Variants in ACTR3C observed in about 807,000 individuals in gnomAD.
ACTR3C encodes actin related protein 3C, also known as actin-related protein 3C.
ACTR3C carries 18 observed loss-of-function variants against 26.3 expected under a neutral mutation model. The observed-to-expected ratio is 0.68, with a 90% CI of 0.47 to 1.01. ACTR3C has a LOEUF of 1.01. Among genes scored for constraint, ACTR3C ranks in the 50% least tolerant of loss-of-function variants. The probability of loss-of-function intolerance (pLI) is 0.00; values close to 1 mark genes in which losing one functional copy is unlikely to be tolerated. For missense variants in ACTR3C, 184 were observed against 250.7 expected (o/e 0.73, Z 1.80); for synonymous variants, 55 against 94.5 (o/e 0.58, Z 2.42).
At chr7:150,194,580 T>A in the ACTR3C span, among the ~76,000 whole-genome samples, 1 of 152,260 alleles carries the variant, frequency 6.6e-6, no homozygotes, top group Admixed American at 6.5e-5. Context: ...AGTTGATCTC[T>A]TTGGATTAAA....
At position 150,289,524 on chromosome 7, in the gene ACTR3C, T is replaced by C; in HGVS notation, c.223A>G (p.Ile75Val). ...TCCCTCTCCCTTAGCAGCTGTTGAA[T>C]GAAATACGTAATATCTCTACCTGCA... Reference protein sequence around the residue: ...PIAGRDITYFIQQLLREREVG... With the variant: ...PIAGRDITYFVQQLLREREVG... The change falls in exon 4 of 8, where the codon ATT becomes GTT. Residue 75 changes from isoleucine (I) to valine (V), a missense_variant. Coordinates refer to ENST00000683684, the MANE Select transcript of ACTR3C (RefSeq NM_001164458.2). The C allele has an allele frequency of 6.2e-7, 1 of 1,604,810 alleles. No homozygotes were observed. The highest frequency in any genetic ancestry group is 8.5e-7 in the Non-Finnish European group (1 of 1,175,006).
chr7:150,017,356 GCC>G, the ACTR3C span, among the ~76,000 whole-genome samples: 1 of 146,454 alleles, frequency 6.8e-6, no homozygotes, highest in African/African-American at 2.6e-5. Context: ...TTATTTGGGA[GCC>G]CCTTCTGTTT....
chr7:149,946,525 C>T, the ACTR3C span, among the ~76,000 whole-genome samples: 3 of 152,298 alleles, frequency 2.0e-5, no homozygotes, highest in African/African-American at 7.2e-5. Context: ...GGCGAGTCCC[C>T]CTGTTCTCCC....
At chr7:150,175,484 CTCTTA>C in the ACTR3C span, among the ~76,000 whole-genome samples, 2 of 149,260 alleles carry the variant, frequency 1.3e-5, no homozygotes, top group South Asian at 2.1e-4. Flanking sequence ...CTTCTGTCTG[CTCTTA>C]TAAGAACCAA....
At chr7:150,032,056 C>G in the ACTR3C span, among the ~76,000 whole-genome samples, 4 of 152,252 alleles carry the variant, frequency 2.6e-5, no homozygotes, top group African/African-American at 9.6e-5. Flanking sequence ...CGGTCTATTT[C>G]ATCTCTGCCT....
chr7:150,077,650 G>A, the ACTR3C span, among the ~76,000 whole-genome samples: 1 of 152,186 alleles, frequency 6.6e-6, no homozygotes, highest in African/African-American at 2.4e-5. Context: ...TCCTCCTGGA[G>A]GAGAAGGGGA....
At chr7:150,036,367 C>T in the ACTR3C span, among the ~76,000 whole-genome samples, 78 of 147,542 alleles carry the variant, frequency 5.3e-4, 3 homozygotes, top group South Asian at 0.014. Context: ...ACGTAGGCTA[C>T]GGGCCTCAGC....
the ACTR3C span, among the ~76,000 whole-genome samples, chr7:150,124,125 G>A: frequency 1.3e-4 from 20 of 152,234 alleles, no homozygotes; most frequent in East Asian, 1.4e-3. Context: ...CCAGGCAGGT[G>A]AGCTTTTGAA....
chr7:149,933,496 G>C, the ACTR3C span, among the ~76,000 whole-genome samples: 2 of 152,190 alleles, frequency 1.3e-5, no homozygotes, highest in South Asian at 4.1e-4. Flanking sequence ...GGTTAAGCCA[G>C]CGAATGAAAT....
chr7:149,886,021 TTAG>T, the ACTR3C span, among the ~76,000 whole-genome samples: 1 of 152,234 alleles, frequency 6.6e-6, no homozygotes, highest in Non-Finnish European at 1.5e-5. Flanking sequence ...CAGGATAATA[TTAG>T]TAGCACCTGC....
At chr7:150,279,886 C>G (rs1324500361) in intron 6 of ACTR3C, among the ~76,000 whole-genome samples, 2 of 152,184 alleles carry the variant, frequency 1.3e-5, no homozygotes, top group Non-Finnish European at 2.9e-5. Context: ...TTTTTATAAG[C>G]TCTTGAAGAC....
chr7:149,944,467 T>A, the ACTR3C span, among the ~76,000 whole-genome samples: 2 of 152,030 alleles, frequency 1.3e-5, no homozygotes, highest in Non-Finnish European at 2.9e-5. Context: ...GGTTATGGAC[T>A]GAGGCCTGCT....
chr7:150,145,723 A>G, the ACTR3C span, among the ~76,000 whole-genome samples: 1 of 97,862 alleles, frequency 1.0e-5, no homozygotes, highest in Non-Finnish European at 2.0e-5. Flanking sequence ...GCTTTCTGTC[A>G]TGGCTTAGTT....
the ACTR3C span, among the ~76,000 whole-genome samples, chr7:150,034,964 C>T: frequency 3.5e-3 from 502 of 142,184 alleles, 25 homozygotes; most frequent in Admixed American, 0.021. Context: ...AACTCTCAGT[C>T]CCCACTCTCG....
chr7:150,199,602 TA>T, the ACTR3C span, among the ~76,000 whole-genome samples: 36 of 49,272 alleles, frequency 7.3e-4, 1 homozygote, highest in South Asian at 9.9e-4. Flanking sequence ...GAATTATCAA[TA>T]AAAAAATAAA....
chr7:150,278,284 G>A (rs1333825608), intron 6 of ACTR3C, among the ~76,000 whole-genome samples: 1 of 152,192 alleles, frequency 6.6e-6, no homozygotes, highest in African/African-American at 2.4e-5. Context: ...CCTGTAGGAT[G>A]GCCGTCAGCC....
intron 6 of ACTR3C, among the ~76,000 whole-genome samples, chr7:150,249,448 A>T (rs1832678067): frequency 6.6e-6 from 1 of 151,922 alleles, no homozygotes; most frequent in South Asian, 2.1e-4. Flanking sequence ...TTTGTTTTTT[A>T]TTTATTTTAT....
At chr7:149,991,599 TG>T in the ACTR3C span, among the ~76,000 whole-genome samples, 1 of 152,222 alleles carries the variant, frequency 6.6e-6, no homozygotes, top group South Asian at 2.1e-4. Flanking sequence ...TCATTAATGA[TG>T]TCATCAAAGA....
chr7:150,114,316 T>C, the ACTR3C span, among the ~76,000 whole-genome samples: 2 of 152,206 alleles, frequency 1.3e-5, no homozygotes, highest in Non-Finnish European at 2.9e-5. Context: ...GGAGATTATA[T>C]TATTTCTATT....
Sources: gnomAD v4.1 joint callset for allele counts (sites outside exome capture counted in the v4.1 genomes callset) on GRCh38, gnomAD v4.1.1 for gene constraint, MANE v1.5 for transcripts, NCBI Gene and HGNC (gene_info 2026-07-23, HGNC 2026-07-21) for gene names.